The following RPE variants were observed in gnomAD, a reference collection of about 807,000 sequenced individuals.
The protein encoded by RPE is ribulose-5-phosphate-3-epimerase, also known as ribulose-phosphate 3-epimerase.
In RPE, 16 loss-of-function variants were observed where a neutral mutation model predicts 24.6. The observed-to-expected ratio is 0.65, with a 90% confidence interval of 0.44 to 0.99. The LOEUF is 0.99. Ranked by LOEUF, RPE falls within the 50% of genes least tolerant of loss-of-function variation. The pLI is 0.00. For missense variants in RPE, 240 were observed against 294.5 expected (o/e 0.81, Z 1.35); for synonymous variants, 93 against 98.4 (o/e 0.94, Z 0.33).
intron 1 of RPE, among the ~76,000 whole-genome samples, chr2:210,003,278 A>C (rs2093587150): frequency 6.6e-6 from 1 of 152,166 alleles, no homozygotes; most frequent in Admixed American, 6.5e-5. Context: ...TCATAATTTG[A>C]AAAATGGAAC....
intron 5 of RPE, chr2:210,018,232 G>T (rs1431980197): frequency 6.5e-7 from 1 of 1,528,238 alleles, no homozygotes; most frequent in Non-Finnish European, 8.7e-7. Context: ...GTACTACCAA[G>T]GGGGGAAAAT....
At chr2:210,018,811 A>T (rs1462568902) in intron 5 of RPE, 1 of 452,790 alleles carries the variant, frequency 2.2e-6, no homozygotes, top group Non-Finnish European at 2.9e-6. Flanking sequence ...ATAATGGAAC[A>T]CTAGGCATAA....
chr2:210,006,393 G>A (rs886636904), intron 1 of RPE, among the ~76,000 whole-genome samples: 5 of 152,186 alleles, frequency 3.3e-5, no homozygotes, highest in Middle Eastern at 3.4e-3. Flanking sequence ...ATGGCTTAGC[G>A]TAGCCTTTGG....
chr2:210,015,353 C>A (rs79050843), intron 2 of RPE, among the ~76,000 whole-genome samples: 2,080 of 152,294 alleles, frequency 0.014, 60 homozygotes, highest in African/African-American at 0.048. Flanking sequence ...CAGTGGCCTG[C>A]AGAATGCTGA....
At chr2:210,002,818 C>T in intron 1 of RPE, 35 bp downstream of exon 1, 1 of 1,614,010 alleles carries the variant, frequency 6.2e-7, no homozygotes, top group Non-Finnish European at 8.5e-7. Context: ...GCTTGCCGCG[C>T]GGCGGGGCGG....
At chr2:210,017,847 C>T (rs1057437368) in intron 5 of RPE, 8 of 566,228 alleles carry the variant, frequency 1.4e-5, no homozygotes, top group Middle Eastern at 4.8e-4. Context: ...CGGGTTCAAG[C>T]GATTCTCCTG....
chr2:210,003,398 A>G (rs1270507145), intron 1 of RPE: 1 of 1,219,046 alleles, frequency 8.2e-7, no homozygotes, highest in Non-Finnish European at 1.1e-6. Flanking sequence ...TAATTACATC[A>G]TTATTACAAT....
At chr2:210,005,246 G>GT (rs113228364) in intron 1 of RPE, among the ~76,000 whole-genome samples, 235 of 149,122 alleles carry the variant, frequency 1.6e-3, no homozygotes, top group African/African-American at 5.1e-3. Flanking sequence ...CTGCCTTCGT[G>GT]TTTTTTTTTT....
chr2:210,017,545 C>T lies in RPE; in HGVS notation c.550C>T (p.His184Tyr). The change falls in exon 5 of 6, where the codon CAT becomes TAT. Residue 184 changes from histidine to tyrosine, a missense_variant. Coordinates refer to ENST00000359429, the MANE Select transcript of RPE (RefSeq NM_199229.3). The part of the protein sequence containing the change: ...VDGGVGPDTV[H>Y]KCAEAGANMI... ...TGGTGGAGTAGGTCCTGACACTGTC[C>T]ATAAATGTGCAGAGGTGAGATTGCT... is the stretch of plus-strand genomic sequence containing the variant. 6.2e-7 allele frequency: 1 copy of T among 1,613,764 alleles called. No homozygotes were observed. Among genetic ancestry groups the T allele is most frequent in the Non-Finnish European group, 8.5e-7 (1 of 1,179,922 alleles).
chr2:210,009,186 C>T (rs2093669253), intron 1 of RPE, among the ~76,000 whole-genome samples: 1 of 152,184 alleles, frequency 6.6e-6, no homozygotes, highest in South Asian at 2.1e-4. Context: ...TACTAATAAA[C>T]ACATCATGTT....
At chr2:210,009,538 A>C in intron 1 of RPE, 119 bp from the exon 2 acceptor site, 5 of 1,320,376 alleles carry the variant, frequency 3.8e-6, no homozygotes, top group South Asian at 1.2e-5. Context: ...ACTGATGATT[A>C]AGTATTAAAT....
At chr2:210,018,090 TC>T in intron 5 of RPE, 1 of 1,442,486 alleles carries the variant, frequency 6.9e-7, no homozygotes, top group Non-Finnish European at 9.3e-7. Context: ...AAATTGTAAA[TC>T]CTGGTTTTCT....
At chr2:210,009,612 A>G (rs778859053) in intron 1 of RPE, 45 bp from the exon 2 acceptor site, 2 of 1,611,784 alleles carry the variant, frequency 1.2e-6, no homozygotes, top group South Asian at 1.1e-5. Context: ...AGATACAGAA[A>G]CTGAATTGAA....
intron 5 of RPE, chr2:210,018,840 A>G (rs985648672): frequency 2.7e-5 from 7 of 261,828 alleles, no homozygotes; most frequent in African/African-American, 6.9e-5. Flanking sequence ...ACTGAAGAGA[A>G]TATTTGCAGT....
chr2:210,009,876 T>A, intron 2 of RPE, 140 bp downstream of exon 2: 2 of 1,108,176 alleles, frequency 1.8e-6, no homozygotes, highest in Non-Finnish European at 2.7e-6. Flanking sequence ...CTGACTCCAG[T>A]AACAAGCCAA....
At chr2:210,016,256 A>G in intron 3 of RPE, 144 bp downstream of exon 3, 1 of 1,614,042 alleles carries the variant, frequency 6.2e-7, no homozygotes, top group Non-Finnish European at 8.5e-7. Flanking sequence ...GGCCCATTGC[A>G]GGTAAAGAAT....
At chr2:210,012,565 A>G (rs1297238845) in intron 2 of RPE, among the ~76,000 whole-genome samples, 1 of 152,202 alleles carries the variant, frequency 6.6e-6, no homozygotes, top group Non-Finnish European at 1.5e-5. Flanking sequence ...TCTCAAGGAA[A>G]ACCACTTGCA....
intron 4 of RPE, among the ~76,000 whole-genome samples, chr2:210,017,073 G>T (rs1011501793): frequency 3.9e-5 from 6 of 152,100 alleles, no homozygotes; most frequent in African/African-American, 1.2e-4. Context: ...TGAACTCCTG[G>T]GCTTAAGCTG....
chr2:210,008,352 G>A (rs544130527), intron 1 of RPE, among the ~76,000 whole-genome samples: 1 of 147,582 alleles, frequency 6.8e-6, no homozygotes, highest in Non-Finnish European at 1.5e-5. Context: ...CTGGAGTGCA[G>A]TGGCGTGATC....
Sources: allele counts gnomAD v4.1 joint callset (sites outside exome capture counted in the v4.1 genomes callset), GRCh38; gene constraint gnomAD v4.1.1; transcripts MANE v1.5; gene names NCBI Gene and HGNC (gene_info 2026-07-23, HGNC 2026-07-21).